Variants in FRMD4B observed in about 807,000 individuals in gnomAD.
The protein encoded by FRMD4B is FERM domain-containing protein 4B.
FRMD4B carries 74 observed loss-of-function variants against 141.5 expected under a neutral mutation model. The ratio of observed to expected loss-of-function variants is 0.52; its 90% CI spans 0.43 to 0.63. The LOEUF (loss-of-function observed/expected upper bound fraction) is 0.63. Among genes scored for constraint, FRMD4B ranks in the 30% least tolerant of loss-of-function variants. The probability of loss-of-function intolerance (pLI) is 0.00; values close to 1 mark genes in which losing one functional copy is unlikely to be tolerated. For synonymous variants in FRMD4B, 506 were observed against 467.9 expected, an observed-to-expected ratio of 1.08 and a Z score of -1.05; for missense variants, 1,366 against 1,253.4, an observed-to-expected ratio of 1.09 and a Z score of -1.36.
chr3:69,280,177 G>T (rs2093638212), intron 5 of FRMD4B, among the ~76,000 whole-genome samples: 1 of 152,070 alleles, frequency 6.6e-6, no homozygotes, highest in South Asian at 2.1e-4. Context: ...ATGCTTCCCG[G>T]GTTCCCCAGT....
chr3:69,390,403 C>T (rs1025288726), upstream of FRMD4B, among the ~76,000 whole-genome samples: 2 of 152,178 alleles, frequency 1.3e-5, no homozygotes, highest in Non-Finnish European at 2.9e-5. Flanking sequence ...TTATACCTCC[C>T]TCCCATGCTG....
chr3:69,416,453 T>C (rs917161928), intron 2 of FRMD4B, among the ~76,000 whole-genome samples: 1 of 152,148 alleles, frequency 6.6e-6, no homozygotes, highest in Non-Finnish European at 1.5e-5. Context: ...GCTGAGAATA[T>C]AAATTATAAG....
chr3:69,437,147 A>C (rs1705271892), intron 1 of FRMD4B, among the ~76,000 whole-genome samples: 1 of 152,074 alleles, frequency 6.6e-6, no homozygotes, highest in Non-Finnish European at 1.5e-5. Flanking sequence ...ATCATGGCTC[A>C]CTGCAGTCTC....
At chr3:69,342,821 C>CTA (rs1471107158) in intron 1 of FRMD4B, among the ~76,000 whole-genome samples, 3 of 152,076 alleles carry the variant, frequency 2.0e-5, no homozygotes, top group African/African-American at 7.2e-5. Context: ...TACAGTCACC[C>CTA]TATAGTGCTA....
At chr3:69,194,295 T>C (rs534188564) in intron 16 of FRMD4B, among the ~76,000 whole-genome samples, 2 of 152,302 alleles carry the variant, frequency 1.3e-5, no homozygotes, top group East Asian at 1.9e-4. Context: ...ATGCTTCAGT[T>C]TTTTTCATTT....
chr3:69,293,299 T>C (rs1700931283), intron 4 of FRMD4B, among the ~76,000 whole-genome samples: 1 of 150,838 alleles, frequency 6.6e-6, no homozygotes, highest in South Asian at 2.2e-4. Context: ...AAGTCAACAC[T>C]AGGGAGTGGG....
At chr3:69,230,175 A>G (rs2093293656) in intron 7 of FRMD4B, among the ~76,000 whole-genome samples, 1 of 151,858 alleles carries the variant, frequency 6.6e-6, no homozygotes, top group Non-Finnish European at 1.5e-5. Flanking sequence ...ATGGGGTTTC[A>G]CCAAGTTGGC....
At chr3:69,218,694 C>T (rs2093164659) in intron 9 of FRMD4B, among the ~76,000 whole-genome samples, 1 of 152,036 alleles carries the variant, frequency 6.6e-6, no homozygotes, top group Non-Finnish European at 1.5e-5. Flanking sequence ...AAAGTAAGCC[C>T]CTAATGATGC....
chr3:69,313,417 C>G (rs1701672239), intron 2 of FRMD4B, 35 bp downstream of exon 2: 1 of 1,482,180 alleles, frequency 6.7e-7, no homozygotes, highest in Admixed American at 1.9e-5. Flanking sequence ...CTGGGCAAGA[C>G]TTATCTGGGC....
chr3:69,333,458 T>A (rs1341963544), intron 1 of FRMD4B, among the ~76,000 whole-genome samples: 1 of 152,180 alleles, frequency 6.6e-6, no homozygotes, highest in Non-Finnish European at 1.5e-5. Context: ...CATGAATATT[T>A]TGGTTGAGAA....
intron 1 of FRMD4B, among the ~76,000 whole-genome samples, chr3:69,519,394 C>CTG (rs1040178868): frequency 4.6e-5 from 7 of 151,962 alleles, no homozygotes; most frequent in Admixed American, 3.3e-4. Flanking sequence ...GCAGCAGCAT[C>CTG]TGTGTGTGTG....
At chr3:69,315,044 T>A (rs1349276687) in intron 1 of FRMD4B, among the ~76,000 whole-genome samples, 3 of 152,066 alleles carry the variant, frequency 2.0e-5, no homozygotes, top group Admixed American at 2.0e-4. Context: ...TCTCTTAAAA[T>A]AAAAATGAAA....
chr3:69,540,264 TA>T (rs1701152895), intron 1 of FRMD4B, among the ~76,000 whole-genome samples: 1 of 152,042 alleles, frequency 6.6e-6, no homozygotes, highest in Non-Finnish European at 1.5e-5. Flanking sequence ...GACAAAAATA[TA>T]TACAGAGTGC....
intron 9 of FRMD4B, among the ~76,000 whole-genome samples, chr3:69,220,731 A>G (rs1358329198): frequency 1.3e-5 from 2 of 152,120 alleles, no homozygotes; most frequent in Non-Finnish European, 2.9e-5. Context: ...ATGCGCCTGT[A>G]TCATCCCAGC....
At chr3:69,264,157 G>A (rs930490369) in intron 5 of FRMD4B, among the ~76,000 whole-genome samples, 1 of 152,110 alleles carries the variant, frequency 6.6e-6, no homozygotes, top group Non-Finnish European at 1.5e-5. Flanking sequence ...GTTGGGCAGT[G>A]AGCAATCTGC....
intron 1 of FRMD4B, among the ~76,000 whole-genome samples, chr3:69,445,282 T>C (rs986357859): frequency 2.6e-5 from 4 of 152,206 alleles, no homozygotes; most frequent in African/African-American, 4.8e-5. Flanking sequence ...GCAGTCTTTA[T>C]AACCAGAGTT....
At chr3:69,434,569 A>C (rs993892716) in intron 1 of FRMD4B, among the ~76,000 whole-genome samples, 1 of 152,238 alleles carries the variant, frequency 6.6e-6, no homozygotes, top group Non-Finnish European at 1.5e-5. Flanking sequence ...AACTAAAGAG[A>C]GAAACAAAGG....
intron 4 of FRMD4B, among the ~76,000 whole-genome samples, chr3:69,299,409 C>T (rs1197550280): frequency 6.6e-6 from 1 of 152,080 alleles, no homozygotes; most frequent in African/African-American, 2.4e-5. Context: ...ATGACAACAT[C>T]CCTGGTAACA....
chr3:69,520,125 A>C lies in FRMD4B; in HGVS notation c.-129+22081T>G, dbSNP rs377090351. 4.2e-5 allele frequency among the ~76,000 whole-genome samples: 5 copies of C among 118,508 alleles called. 1 individual carries two copies. Among genetic ancestry groups the C allele is most frequent in the African/African-American group, 1.2e-4 (3 of 24,392 alleles). 77.7% of individuals were successfully genotyped at this position (118,508 alleles called of 152,430 possible). ...AAATGGACTATATATATATGATGGA[A>C]TATATATATGATGGAATATATATAT... On this transcript the variant is annotated intron_variant, in intron 1 of 5. Coordinates refer to the FRMD4B transcript ENST00000459638.
Sources: gnomAD v4.1 joint callset for allele counts (sites outside exome capture counted in the v4.1 genomes callset) on GRCh38, gnomAD v4.1.1 for gene constraint, MANE v1.5 for transcripts, NCBI Gene and HGNC (gene_info 2026-07-23, HGNC 2026-07-21) for gene names.